The following NRXN1 variants were observed in gnomAD, a reference collection of about 807,000 sequenced individuals.
NRXN1 encodes neurexin 1.
NRXN1 carries 39 observed loss-of-function variants against 150.9 expected under a neutral mutation model. That is an observed-to-expected ratio of 0.26 (90% CI 0.20 to 0.34). The LOEUF is 0.34. Ranked by LOEUF, NRXN1 falls within the 10% of genes least tolerant of loss-of-function variation. The pLI, the probability that NRXN1 is intolerant of heterozygous loss-of-function variation, is 1.00. For missense variants in NRXN1, 1,815 were observed against 1,949.9 expected, an observed-to-expected ratio of 0.93 and a Z score of 1.30; for synonymous variants, 924 against 757.0, an observed-to-expected ratio of 1.22 and a Z score of -3.62.
chr2:50,538,701 T>C (rs1320275514), intron 9 of NRXN1, 65 bp from the exon 10 acceptor site: 2 of 1,305,794 alleles, frequency 1.5e-6, no homozygotes, highest in Non-Finnish European at 2.0e-6. Flanking sequence ...ATTATCTTTC[T>C]CTCTTTCGTC....
At chr2:49,985,648 T>C (rs1680778564) in intron 21 of NRXN1, among the ~76,000 whole-genome samples, 2 of 152,234 alleles carry the variant, frequency 1.3e-5, no homozygotes, top group African/African-American at 4.8e-5. Context: ...CTACTTCCAC[T>C]GTGACAAGCA....
intron 18 of NRXN1, among the ~76,000 whole-genome samples, chr2:50,163,076 G>T (rs965817862): frequency 6.7e-6 from 1 of 150,310 alleles, no homozygotes; most frequent in African/African-American, 2.4e-5. Flanking sequence ...ATATTAATTT[G>T]AGTTGAAAAT....
intron 21 of NRXN1, chr2:49,973,916 C>A (rs1221447195): frequency 4.3e-6 from 3 of 699,878 alleles, no homozygotes; most frequent in Non-Finnish European, 8.0e-6. Context: ...TTAAACCCTG[C>A]ATGCTGCAGA....
At chr2:50,318,647 T>C (rs1040417546) in intron 17 of NRXN1, among the ~76,000 whole-genome samples, 11 of 151,972 alleles carry the variant, frequency 7.2e-5, no homozygotes, top group African/African-American at 2.4e-4. Context: ...CCAAACAAGT[T>C]TGACAGACAA....
chr2:50,740,539 A>T lies in NRXN1; in HGVS notation c.833-116924T>A, dbSNP rs144201610. Among the ~76,000 whole-genome samples, 910 of 152,284 alleles carry T rather than the reference A, an allele frequency of 6.0e-3. 2 individuals carry two copies. The highest frequency in any genetic ancestry group is 0.01 in the Admixed American group (160 of 15,292). ...TTTGGATTTTTTGTTGTGTGACCTA[A>T]TAAACTGGTGTATTTTCTCCTTAAA... On this transcript the variant is annotated intron_variant, in intron 5 of 22. Transcript: ENST00000401669.
chr2:51,001,567 C>A (rs539959515), intron 2 of NRXN1, among the ~76,000 whole-genome samples: 1 of 151,914 alleles, frequency 6.6e-6, no homozygotes. Context: ...ATTAAGCATA[C>A]ATTTTTCCAC....
intron 17 of NRXN1, among the ~76,000 whole-genome samples, chr2:50,329,909 T>A (rs1216526179): frequency 6.6e-6 from 1 of 151,338 alleles, no homozygotes; most frequent in East Asian, 2.0e-4. Context: ...CCTGACCTCG[T>A]GACCCACCCG....
chr2:50,136,139 T>C lies in NRXN1; in HGVS notation c.3547-44645A>G, dbSNP rs146454377. On this transcript the variant is annotated intron_variant, in intron 18 of 22. Coordinates refer to ENST00000401669, the MANE Select transcript of NRXN1 (RefSeq NM_001330078.2). ...TTGGAAGGTTAATCTCCTAATTACT[T>C]TCTCCCTTCATAAAATAATTTATTT... is the stretch of plus-strand genomic sequence containing the variant. Among the ~76,000 whole-genome samples the C allele has an allele frequency of 5.8e-3, 890 of 152,326 alleles. 9 individuals carry two copies. Among genetic ancestry groups the C allele is most frequent in the African/African-American group, 0.019 (788 of 41,566 alleles).
intron 5 of NRXN1, among the ~76,000 whole-genome samples, chr2:50,763,526 T>G (rs1702052382): frequency 6.6e-6 from 1 of 151,920 alleles, no homozygotes; most frequent in Non-Finnish European, 1.5e-5. Flanking sequence ...TTATTATTAT[T>G]ATGCTAGGCA....
At position 49,921,906 on chromosome 2, in the gene NRXN1, G is replaced by C; in HGVS notation, c.*38C>G. Reference sequence around the variant, plus strand: ...TATATTATGTCTCAGATAAAATGAAGACTATTTCTATACAAGTGTCCATTT... The same window carrying C: ...TATATTATGTCTCAGATAAAATGAACACTATTTCTATACAAGTGTCCATTT... On this transcript the variant is annotated 3_prime_UTR_variant, in exon 23 of 23. Coordinates refer to ENST00000401669, the MANE Select transcript of NRXN1 (RefSeq NM_001330078.2). The C allele has an allele frequency of 6.3e-7, 1 of 1,584,788 alleles. No homozygotes were observed. Among genetic ancestry groups the C allele is most frequent in the Non-Finnish European group, 8.7e-7 (1 of 1,154,278 alleles).
intron 19 of NRXN1, among the ~76,000 whole-genome samples, chr2:50,081,556 A>G (rs1015490899): frequency 6.6e-6 from 1 of 152,218 alleles, no homozygotes; most frequent in Non-Finnish European, 1.5e-5. Flanking sequence ...GCCTCAAAAA[A>G]CAAAACAAAA....
At chr2:50,733,219 G>A (rs1418251918) in intron 5 of NRXN1, among the ~76,000 whole-genome samples, 1 of 152,120 alleles carries the variant, frequency 6.6e-6, no homozygotes, top group Non-Finnish European at 1.5e-5. Context: ...CAGTTTGTAA[G>A]GCTGCCAGGC....
chr2:50,027,497 C>G (rs1688538183), intron 21 of NRXN1, among the ~76,000 whole-genome samples: 1 of 151,146 alleles, frequency 6.6e-6, no homozygotes, highest in Non-Finnish European at 1.5e-5. Context: ...GGCTGGAGTG[C>G]AGTGGCACTC....
intron 8 of NRXN1, among the ~76,000 whole-genome samples, chr2:50,604,732 A>C (rs1676821829): frequency 6.6e-6 from 1 of 152,178 alleles, no homozygotes; most frequent in Non-Finnish European, 1.5e-5. Context: ...ACTGCGTTGC[A>C]ATAGAATGTA....
chr2:50,496,492 G>A (rs906198746), intron 14 of NRXN1, among the ~76,000 whole-genome samples: 1 of 152,024 alleles, frequency 6.6e-6, no homozygotes, highest in South Asian at 2.1e-4. Context: ...TTGAGGATAG[G>A]GAACGTGTAC....
chr2:50,455,437 T>C (rs1254158308), intron 17 of NRXN1, among the ~76,000 whole-genome samples: 2 of 152,134 alleles, frequency 1.3e-5, no homozygotes, highest in Admixed American at 1.3e-4. Flanking sequence ...TTTAGTTTAA[T>C]GAGATTTAAT....
chr2:50,978,808 A>C (rs776493032), intron 2 of NRXN1, among the ~76,000 whole-genome samples: 3 of 152,104 alleles, frequency 2.0e-5, no homozygotes, highest in Non-Finnish European at 4.4e-5. Context: ...CATAATGATT[A>C]AATGACTTTC....
chr2:50,301,617 G>A (rs1160292644), intron 17 of NRXN1, among the ~76,000 whole-genome samples: 1 of 152,096 alleles, frequency 6.6e-6, no homozygotes, highest in African/African-American at 2.4e-5. Context: ...ATGTCCTGTA[G>A]GGTACTCTGT....
chr2:50,682,758 C>T (rs975207804), intron 5 of NRXN1, among the ~76,000 whole-genome samples: 12 of 152,030 alleles, frequency 7.9e-5, no homozygotes, highest in African/African-American at 2.9e-4. Flanking sequence ...GTACGTGTCA[C>T]ATTCTAAAGT....
Sources: allele counts gnomAD v4.1 joint callset (sites outside exome capture counted in the v4.1 genomes callset), GRCh38; gene constraint gnomAD v4.1.1; transcripts MANE v1.5; gene names NCBI Gene and HGNC (gene_info 2026-07-23, HGNC 2026-07-21).